CAST: variants seen among roughly 807,000 people sequenced by gnomAD.
The protein encoded by CAST is MIR583 host.
In CAST, 76 loss-of-function variants were observed where a neutral mutation model predicts 119.6. That is an observed-to-expected ratio of 0.64 (90% confidence interval 0.53 to 0.77). CAST has a LOEUF of 0.77. CAST is among the 30% of genes least tolerant of loss of function. The pLI is 0.00. For synonymous variants in CAST, 319 were observed against 331.6 expected (o/e 0.96, Z 0.41); for missense variants, 953 against 946.5 (o/e 1.01, Z -0.09).
chr5:96,772,097 A>G (rs72773912), intron 31 of CAST: 15,527 of 155,812 alleles, frequency 0.1, 1,004 homozygotes, highest in Middle Eastern at 0.16. Flanking sequence ...ATACCAATAC[A>G]TGGTGGGGTG....
At chr5:96,499,723 C>A in the CAST span, among the ~76,000 whole-genome samples, 8,129 of 152,260 alleles carry the variant, frequency 0.053, 748 homozygotes, top group African/African-American at 0.19. Context: ...TCAATCCTCT[C>A]GAACCCTGCT....
chr5:96,762,225 CATA>C (rs755063188), intron 24 of CAST, 46 bp from the exon 25 acceptor site: 1 of 1,246,404 alleles, frequency 8.0e-7, no homozygotes. Context: ...GCATTGTGCT[CATA>C]ATTTTATATA....
upstream of CAST, among the ~76,000 whole-genome samples, chr5:96,661,636 C>T (rs967630687): frequency 5.9e-5 from 9 of 152,122 alleles, no homozygotes; most frequent in African/African-American, 2.2e-4. Context: ...TCACTTCCAG[C>T]CCCAAACCAG....
chr5:96,220,421 G>A, the CAST span, among the ~76,000 whole-genome samples: 3 of 152,062 alleles, frequency 2.0e-5, no homozygotes, highest in Non-Finnish European at 4.4e-5. Flanking sequence ...ACATGACCAT[G>A]GTAAAGAATA....
chr5:96,207,205 A>T, the CAST span, among the ~76,000 whole-genome samples: 1 of 152,160 alleles, frequency 6.6e-6, no homozygotes, highest in African/African-American at 2.4e-5. Flanking sequence ...TTTTGGGCAG[A>T]GACTATAGGG....
intron 20 of CAST, among the ~76,000 whole-genome samples, chr5:96,753,695 T>C (rs1765664195): frequency 6.6e-6 from 1 of 152,212 alleles, no homozygotes; most frequent in Non-Finnish European, 1.5e-5. Flanking sequence ...TGAAAATCTT[T>C]CCTGTGCCGT....
At position 96,616,759 on chromosome 5, in the gene CAST, C is replaced by T. The variant is rs928852667; in HGVS notation, c.61-58780C>T. On this transcript the variant is annotated intron_variant, in intron 1 of 11. Transcript: ENST00000505143. ...CTCTCTCTCTCTATATATATACACA[C>T]ACACACACACACACACACACACACA... Among the ~76,000 whole-genome samples the T allele has an allele frequency of 9.6e-3, 1,110 of 115,764 alleles. 12 individuals carry two copies. Among genetic ancestry groups the T allele is most frequent in the African/African-American group, 0.029 (724 of 24,576 alleles). The allele number at this position is 115,764 out of a possible 152,430, so 75.9% of individuals were successfully genotyped here.
the CAST span, among the ~76,000 whole-genome samples, chr5:96,090,482 A>G: frequency 6.6e-6 from 1 of 151,972 alleles, no homozygotes; most frequent in Non-Finnish European, 1.5e-5. Flanking sequence ...GGCTGTGACC[A>G]TTAGGCCTCT....
At chr5:96,496,267 C>G in the CAST span, among the ~76,000 whole-genome samples, 1 of 152,010 alleles carries the variant, frequency 6.6e-6, no homozygotes, top group East Asian at 1.9e-4. Flanking sequence ...TTTCAAAAAT[C>G]TTCAAATTAT....
chr5:95,978,322 C>T, the CAST span, among the ~76,000 whole-genome samples: 1 of 152,172 alleles, frequency 6.6e-6, no homozygotes, highest in Non-Finnish European at 1.5e-5. Context: ...TATGTTTTGA[C>T]TTTTTAATTA....
the CAST span, chr5:96,429,210 T>C: frequency 1.4e-6 from 2 of 1,421,594 alleles, no homozygotes; most frequent in East Asian, 4.6e-5. Context: ...GTACAACACT[T>C]ACACGATCAT....
At chr5:96,276,345 C>T in the CAST span, among the ~76,000 whole-genome samples, 2 of 152,238 alleles carry the variant, frequency 1.3e-5, no homozygotes, top group Admixed American at 6.5e-5. Context: ...TCATATTTTA[C>T]ATGTCAACAT....
chr5:96,130,021 C>CTTTTT, the CAST span, among the ~76,000 whole-genome samples: 51 of 129,480 alleles, frequency 3.9e-4, no homozygotes, highest in South Asian at 2.0e-3. Context: ...AACACACACA[C>CTTTTT]TTTTTTTTTT....
the CAST span, among the ~76,000 whole-genome samples, chr5:96,004,751 G>C: frequency 6.6e-6 from 1 of 152,140 alleles, no homozygotes; most frequent in Admixed American, 6.5e-5. Context: ...GTCTTTAAGA[G>C]ATAAGAGATA....
At chr5:96,643,291 A>G (rs2150203688) in intron 1 of CAST, among the ~76,000 whole-genome samples, 1 of 152,304 alleles carries the variant, frequency 6.6e-6, no homozygotes, top group East Asian at 1.9e-4. Context: ...ATACAAAATA[A>G]TCCTTCAAGC....
chr5:96,204,253 A>G, the CAST span, among the ~76,000 whole-genome samples: 1 of 152,016 alleles, frequency 6.6e-6, no homozygotes, highest in South Asian at 2.1e-4. Flanking sequence ...GCTTTCCAGC[A>G]CCAAGCAGGT....
At chr5:96,448,069 C>A in the CAST span, among the ~76,000 whole-genome samples, 1 of 151,176 alleles carries the variant, frequency 6.6e-6, no homozygotes, top group Admixed American at 6.6e-5. Context: ...AGATGAGGGA[C>A]AAGAATCAGC....
chr5:96,107,592 C>A, the CAST span, among the ~76,000 whole-genome samples: 2 of 152,162 alleles, frequency 1.3e-5, no homozygotes, highest in Non-Finnish European at 2.9e-5. Flanking sequence ...CCGAGAGATC[C>A]GCTGTTAGTC....
intron 26 of CAST, among the ~76,000 whole-genome samples, chr5:96,765,601 A>G (rs1769649511): frequency 6.6e-6 from 1 of 152,198 alleles, no homozygotes; most frequent in Admixed American, 6.5e-5. Context: ...CAGTCAGCAC[A>G]TCCATTCAAA....
Sources: allele counts gnomAD v4.1 joint callset (sites outside exome capture counted in the v4.1 genomes callset), GRCh38; gene constraint gnomAD v4.1.1; transcripts MANE v1.5; gene names NCBI Gene and HGNC (gene_info 2026-07-23, HGNC 2026-07-21).